The following TRIM37 variants were observed in gnomAD, a reference collection of about 807,000 sequenced individuals.
TRIM37 encodes E3 ubiquitin-protein ligase TRIM37.
TRIM37 carries 80 observed loss-of-function variants against 129.8 expected under a neutral mutation model. The ratio of observed to expected loss-of-function variants is 0.62; its 90% CI spans 0.51 to 0.74. TRIM37 has a LOEUF of 0.74. Among genes scored for constraint, TRIM37 ranks in the 30% least tolerant of loss-of-function variants. The pLI is 0.00. For missense variants in TRIM37, 1,054 were observed against 1,176.5 expected, an observed-to-expected ratio of 0.90 and a Z score of 1.52; for synonymous variants, 389 against 387.1, an observed-to-expected ratio of 1.00 and a Z score of -0.06.
At chr17:59,025,444 TG>T (rs1352996762) in intron 19 of TRIM37, among the ~76,000 whole-genome samples, 8 of 151,618 alleles carry the variant, frequency 5.3e-5, no homozygotes, top group Non-Finnish European at 7.4e-5. Flanking sequence ...TTAATATTCA[TG>T]GATGAATATT....
intron 21 of TRIM37, 66 bp from the exon 22 acceptor site, chr17:59,012,512 T>A: frequency 8.8e-7 from 1 of 1,134,512 alleles, no homozygotes; most frequent in Non-Finnish European, 1.3e-6. Context: ...ATTTTCTTTT[T>A]GAACTGAGCA....
chr17:58,986,181 T>A (rs2031790932), intron 24 of TRIM37, among the ~76,000 whole-genome samples: 1 of 142,500 alleles, frequency 7.0e-6, no homozygotes. Context: ...CCGCCCCCTG[T>A]TGCTGTCAGT....
chr17:58,972,819 C>T, the TRIM37 span: 1 of 1,605,080 alleles, frequency 6.2e-7, no homozygotes, highest in Non-Finnish European at 8.5e-7. Context: ...CTTTTTATTG[C>T]ATTGCTGTTT....
chr17:59,009,126 T>C (rs920398727), intron 22 of TRIM37, among the ~76,000 whole-genome samples: 11 of 152,164 alleles, frequency 7.2e-5, no homozygotes, highest in African/African-American at 2.2e-4. Flanking sequence ...GTTCTTTTTT[T>C]TCTTTTCTTC....
In TRIM37 at chr17:59,008,374, C is replaced by T. The variant is rs189948160; in HGVS notation, c.2695+3954G>A. Among the ~76,000 whole-genome samples the T allele has an allele frequency of 3.4e-3, 522 of 152,302 alleles. 3 individuals carry two copies. Among genetic ancestry groups the T allele is most frequent in the Non-Finnish European group, 5.7e-3 (386 of 68,032 alleles). On this transcript the variant is annotated intron_variant, in intron 22 of 23. Coordinates refer to ENST00000262294, the MANE Select transcript of TRIM37 (RefSeq NM_015294.6). Reference sequence around the variant, plus strand: ...ACTGAATAACACTGACCATTTAACTCTAAATCCTACATGAATAACTCCATT... The same window carrying T: ...ACTGAATAACACTGACCATTTAACTTTAAATCCTACATGAATAACTCCATT...
downstream of TRIM37, among the ~76,000 whole-genome samples, chr17:58,979,152 G>A (rs2031211941): frequency 6.6e-6 from 1 of 152,224 alleles, no homozygotes; most frequent in East Asian, 1.9e-4. Flanking sequence ...GGTTCTCACA[G>A]TTGTTAATGA....
At chr17:59,064,445 G>A (rs2041767831) in intron 9 of TRIM37, 40 bp from the exon 10 acceptor site, 9 of 1,497,680 alleles carry the variant, frequency 6.0e-6, no homozygotes, top group Non-Finnish European at 8.2e-6. Flanking sequence ...TAGCTTACAT[G>A]TTTAAAATTC....
chr17:59,016,296 A>C (rs1353378255), intron 20 of TRIM37, among the ~76,000 whole-genome samples: 1 of 149,544 alleles, frequency 6.7e-6, no homozygotes, highest in East Asian at 2.0e-4. Context: ...CAGGAGACTG[A>C]GGCAGGAGAA....
the TRIM37 span, among the ~76,000 whole-genome samples, chr17:58,970,083 G>A: frequency 6.6e-6 from 1 of 152,200 alleles, no homozygotes; most frequent in Admixed American, 6.5e-5. Flanking sequence ...TCTGGATATG[G>A]TGAATAAAAC....
chr17:59,031,033 G>T (rs946548442), intron 18 of TRIM37, among the ~76,000 whole-genome samples: 3 of 152,132 alleles, frequency 2.0e-5, no homozygotes, highest in Non-Finnish European at 4.4e-5. Flanking sequence ...AGACTTTCAG[G>T]AAGTATATCT....
At chr17:59,012,252 C>A in intron 22 of TRIM37, 76 bp downstream of exon 22, 1 of 983,932 alleles carries the variant, frequency 1.0e-6, no homozygotes, top group Non-Finnish European at 1.6e-6. Flanking sequence ...CCACCACCAC[C>A]ACCACCCACC....
Position 59,041,808 on chromosome 17 carries a change from A to C in TRIM37, c.1753+5T>G. The C allele has an allele frequency of 8.1e-6, 13 of 1,611,858 alleles. No individual in the cohort carries two copies. The highest frequency in any genetic ancestry group is 3.3e-4 in the Middle Eastern group (2 of 6,060). On this transcript the variant is annotated splice_donor_5th_base_variant and intron_variant, in intron 17 of 23. Coordinates refer to ENST00000262294, the MANE Select transcript of TRIM37 (RefSeq NM_015294.6). ...GGCTTGGAGGCAGTGGAGTGACCTC[A>C]TTACCTGCGGGTCCTGCAGCAGCTG...
At chr17:59,027,458 G>C (rs2037368214) in intron 19 of TRIM37, among the ~76,000 whole-genome samples, 1 of 152,114 alleles carries the variant, frequency 6.6e-6, no homozygotes, top group African/African-American at 2.4e-5. Flanking sequence ...TATGCATCTA[G>C]AATAGAATAG....
intron 16 of TRIM37, among the ~76,000 whole-genome samples, chr17:59,047,016 A>G (rs1157145604): frequency 6.6e-6 from 1 of 151,460 alleles, no homozygotes; most frequent in African/African-American, 2.4e-5. Flanking sequence ...TAGCTGGGCG[A>G]GGTGGCGGGC....
At chr17:58,969,721 C>G in the TRIM37 span, 1 of 1,613,950 alleles carries the variant, frequency 6.2e-7, no homozygotes, top group South Asian at 1.1e-5. Context: ...AGAAAGCAGC[C>G]AGGGAGGTAT....
At chr17:59,044,032 T>C (rs1255460813) in intron 16 of TRIM37, among the ~76,000 whole-genome samples, 2 of 152,230 alleles carry the variant, frequency 1.3e-5, no homozygotes, top group East Asian at 3.8e-4. Flanking sequence ...TGGTGGTTCA[T>C]GCCTGTAATC....
At chr17:59,002,920 T>G (rs865925906) in intron 22 of TRIM37, among the ~76,000 whole-genome samples, 1 of 152,142 alleles carries the variant, frequency 6.6e-6, no homozygotes, top group Admixed American at 6.5e-5. Context: ...AGGGTCTCAC[T>G]CTGTTACCCA....
intron 5 of TRIM37, among the ~76,000 whole-genome samples, chr17:59,081,428 C>A (rs1488327369): frequency 6.6e-6 from 1 of 152,130 alleles, no homozygotes; most frequent in Non-Finnish European, 1.5e-5. Flanking sequence ...AAATAAAGGG[C>A]TTTAGCAAAA....
intron 20 of TRIM37, among the ~76,000 whole-genome samples, chr17:59,016,245 T>C (rs2035913268): frequency 6.6e-6 from 1 of 150,760 alleles, no homozygotes; most frequent in Admixed American, 6.6e-5. Flanking sequence ...AATACAAAAA[T>C]TAGCCAGGCG....
Sources: gnomAD v4.1 joint callset for allele counts (sites outside exome capture counted in the v4.1 genomes callset) on GRCh38, gnomAD v4.1.1 for gene constraint, MANE v1.5 for transcripts, NCBI Gene and HGNC (gene_info 2026-07-23, HGNC 2026-07-21) for gene names.